Variants in HIBADH observed in about 807,000 individuals in gnomAD.
The protein encoded by HIBADH is 3-hydroxyisobutyrate dehydrogenase.
A neutral mutation model predicts 36.1 loss-of-function variants in HIBADH; 25 were observed. The observed-to-expected ratio is 0.69, with a 90% CI of 0.50 to 0.97. The LOEUF (loss-of-function observed/expected upper bound fraction) is 0.97. HIBADH is among the 50% of genes least tolerant of loss of function. The pLI, the probability that HIBADH is intolerant of heterozygous loss-of-function variation, is 0.00. For synonymous variants in HIBADH, 160 were observed against 149.5 expected (o/e 1.07, Z -0.51); for missense variants, 421 against 418.0 (o/e 1.01, Z -0.06).
intron 4 of HIBADH, among the ~76,000 whole-genome samples, chr7:27,568,616 C>T (rs1583573776): frequency 6.6e-6 from 1 of 151,928 alleles, no homozygotes; most frequent in East Asian, 1.9e-4. Flanking sequence ...TGCCACCAGG[C>T]CCAGCTAATT....
In HIBADH at chr7:27,526,916, T is replaced by C. The variant is rs528999201; in HGVS notation, c.853-544A>G. 1.5e-4 allele frequency among the ~76,000 whole-genome samples: 23 copies of C among 152,216 alleles called. No homozygotes were observed. In the South Asian group the frequency reaches 4.6e-3, roughly 30 times the overall value. On this transcript the variant is annotated intron_variant, in intron 7 of 7. Transcript: ENST00000265395. ...GTATAATTGGATAGGAGGAGTACTA[T>C]CATGGGATCCAAGGAAGCAGGGTCT... is the stretch of plus-strand genomic sequence containing the variant.
chr7:27,545,859 C>T (rs1583562337), intron 4 of HIBADH, among the ~76,000 whole-genome samples: 1 of 152,254 alleles, frequency 6.6e-6, no homozygotes, highest in African/African-American at 2.4e-5. Flanking sequence ...TCATGGCTTG[C>T]CAGCATCCCC....
chr7:27,626,689 T>C (rs115705593), intron 4 of HIBADH, among the ~76,000 whole-genome samples: 1,739 of 152,338 alleles, frequency 0.011, 28 homozygotes, highest in African/African-American at 0.035. Context: ...TAAATTCATC[T>C]GAGTTTTTTA....
intron 4 of HIBADH, among the ~76,000 whole-genome samples, chr7:27,586,342 AAG>A (rs142139351): frequency 0.2 from 30,215 of 149,934 alleles, 3,971 homozygotes; most frequent in East Asian, 0.5. Context: ...GAAAAAAAGA[AAG>A]AGAGAAAGAG....
intron 4 of HIBADH, among the ~76,000 whole-genome samples, chr7:27,563,750 G>C (rs539212283): frequency 5.4e-4 from 82 of 152,212 alleles, no homozygotes; most frequent in African/African-American, 2.0e-3. Context: ...AATTGAGTTG[G>C]TTGTTTTATT....
intron 4 of HIBADH, among the ~76,000 whole-genome samples, chr7:27,575,438 T>C (rs1339848390): frequency 1.3e-5 from 2 of 152,146 alleles, no homozygotes; most frequent in East Asian, 1.9e-4. Context: ...GAAAAGTAAG[T>C]TGGATCCAGA....
chr7:27,562,676 T>G (rs920315634), intron 4 of HIBADH, among the ~76,000 whole-genome samples: 13 of 152,162 alleles, frequency 8.5e-5, no homozygotes, highest in Non-Finnish European at 1.6e-4. Flanking sequence ...CAGGGTGGTC[T>G]CAAACTTCCG....
At chr7:27,557,620 G>A (rs1023566828) in intron 4 of HIBADH, among the ~76,000 whole-genome samples, 6 of 152,168 alleles carry the variant, frequency 3.9e-5, no homozygotes, top group African/African-American at 1.4e-4. Context: ...GCTTGTTGCT[G>A]TATCCCCTCC....
intron 4 of HIBADH, among the ~76,000 whole-genome samples, chr7:27,575,172 T>G (rs1040726476): frequency 2.6e-5 from 4 of 152,190 alleles, no homozygotes; most frequent in Non-Finnish European, 5.9e-5. Flanking sequence ...ATTTTAGCAC[T>G]CTTGATTTAT....
Position 27,658,787 on chromosome 7 carries a change from AT to A in HIBADH, c.91+3910del, listed in dbSNP as rs761643240. Among the ~76,000 whole-genome samples, 10 of 152,150 alleles carry A rather than the reference AT, an allele frequency of 6.6e-5. No individual in the cohort carries two copies. The East Asian group carries it at 7.7e-4, about 12-fold the overall frequency. On this transcript the variant is annotated intron_variant, in intron 1 of 7. Transcript: ENST00000265395. Reference sequence around the variant, plus strand: ...GTATGTCTATTTTATCACATAATACATTTTTTATATCTATTTTATCACATAA... The same window carrying A: ...GTATGTCTATTTTATCACATAATACATTTTTATATCTATTTTATCACATAA...
intron 7 of HIBADH, among the ~76,000 whole-genome samples, chr7:27,528,932 C>G (rs544714834): frequency 2.8e-4 from 43 of 152,302 alleles, no homozygotes; most frequent in African/African-American, 1.0e-3. Flanking sequence ...CAGCTGGGGA[C>G]TTGAAGTTGA....
intron 5 of HIBADH, chr7:27,541,734 A>G (rs1294472442): frequency 2.3e-6 from 1 of 437,380 alleles, no homozygotes; most frequent in Non-Finnish European, 4.6e-6. Flanking sequence ...CCATGGTGTC[A>G]TTCAAGGTTT....
At chr7:27,585,987 T>C (rs920194489) in intron 4 of HIBADH, among the ~76,000 whole-genome samples, 15 of 152,230 alleles carry the variant, frequency 9.9e-5, no homozygotes, top group African/African-American at 3.4e-4. Flanking sequence ...TAGGTGGTTA[T>C]GTAATTCCTC....
At chr7:27,645,823 T>C (rs757223632) in intron 2 of HIBADH, among the ~76,000 whole-genome samples, 1 of 152,228 alleles carries the variant, frequency 6.6e-6, no homozygotes, top group Non-Finnish European at 1.5e-5. Flanking sequence ...ATGCTGGCGT[T>C]GTAAGACTTC....
intron 4 of HIBADH, among the ~76,000 whole-genome samples, chr7:27,565,122 A>G (rs909683631): frequency 3.5e-4 from 53 of 151,984 alleles, no homozygotes; most frequent in African/African-American, 1.3e-3. Context: ...CCAAGCCACT[A>G]TTTCTCTGCT....
At chr7:27,632,122 C>T (rs554764938) in intron 3 of HIBADH, among the ~76,000 whole-genome samples, 35 of 152,066 alleles carry the variant, frequency 2.3e-4, no homozygotes, top group Admixed American at 1.6e-3. Flanking sequence ...AGGAAAGAAA[C>T]GGAACCAAAA....
intron 4 of HIBADH, among the ~76,000 whole-genome samples, chr7:27,571,525 A>G (rs1368400349): frequency 6.6e-6 from 1 of 152,112 alleles, no homozygotes; most frequent in African/African-American, 2.4e-5. Flanking sequence ...GCTCCAGGCT[A>G]TCTTTTATTT....
chr7:27,581,330 T>A (rs951945383), intron 4 of HIBADH, among the ~76,000 whole-genome samples: 1 of 152,066 alleles, frequency 6.6e-6, no homozygotes, highest in Non-Finnish European at 1.5e-5. Context: ...AAGCTGAGGA[T>A]GTGTAATCAT....
rs180771547 is a variant in HIBADH at position 27,584,718 on chromosome 7, G to C, written c.485-41618C>G. Among the ~76,000 whole-genome samples the C allele has an allele frequency of 5.3e-5, 8 of 152,062 alleles. No homozygotes were observed. In the East Asian group the frequency reaches 1.5e-3, roughly 29 times the overall value. ...ATTACATCAAATAAAATATACAAAA[G>C]ACATGTACTCAACATTAAGATTTAA... On this transcript the variant is annotated intron_variant, in intron 4 of 7. Coordinates refer to ENST00000265395, the MANE Select transcript of HIBADH (RefSeq NM_152740.4).
Sources: gnomAD v4.1 joint callset for allele counts (sites outside exome capture counted in the v4.1 genomes callset) on GRCh38, gnomAD v4.1.1 for gene constraint, MANE v1.5 for transcripts, NCBI Gene and HGNC (gene_info 2026-07-23, HGNC 2026-07-21) for gene names.